RASA1: variants seen among roughly 807,000 people sequenced by gnomAD.
The protein encoded by RASA1 is RAS p21 protein activator 1.
In RASA1, 25 loss-of-function variants were observed where a neutral mutation model predicts 132.2. That is an observed-to-expected ratio of 0.19 (90% CI 0.14 to 0.26). RASA1 has a LOEUF of 0.26. RASA1 is among the 10% of genes least tolerant of loss of function. The pLI is 1.00. For missense variants in RASA1, 964 were observed against 1,299.2 expected, an observed-to-expected ratio of 0.74 and a Z score of 3.97; for synonymous variants, 477 against 449.9, an observed-to-expected ratio of 1.06 and a Z score of -0.76.
rs115835873 is a variant in RASA1, at chr5:87,383,015, C to T, written c.2691-698C>T. On this transcript the variant is annotated intron_variant, in intron 20 of 24. Coordinates refer to ENST00000274376, the MANE Select transcript of RASA1 (RefSeq NM_002890.3). ...CCTGAGGCAAGAGAATTGTTTGATC[C>T]CAGGGGTTCAAGGTTGCAGTGAGCT... is the stretch of plus-strand genomic sequence containing the variant. 7.6e-3 allele frequency among the ~76,000 whole-genome samples: 1,160 copies of T among 152,122 alleles called. 17 individuals are homozygous for T. Among genetic ancestry groups the T allele is most frequent in the African/African-American group, 0.027 (1,139 of 41,510 alleles).
Position 87,268,874 on chromosome 5 carries a change from T to G in RASA1, c.423T>G (p.Pro141=). 3 of 1,614,066 alleles carry G rather than the reference T, an allele frequency of 1.9e-6. No individual in the cohort carries two copies. Among genetic ancestry groups the G allele is most frequent in the Non-Finnish European group, 2.5e-6 (3 of 1,179,974 alleles). The change falls in exon 1 of 25, where the codon CCT becomes CCG. Residue 141 remains proline, a synonymous_variant. Coordinates refer to ENST00000274376, the MANE Select transcript of RASA1 (RefSeq NM_002890.3). Reference sequence around the variant, plus strand: ...GTTTTCCCCCTCTGCCCCCTCCCCCTTACCTGCCCCCTTTGGGGGCGGGCC... The same window carrying G: ...GTTTTCCCCCTCTGCCCCCTCCCCCGTACCTGCCCCCTTTGGGGGCGGGCC... ...GGGFPPLPPP[P]YLPPLGAGLG...
At chr5:87,355,749 T>C (rs1580340350) in intron 9 of RASA1, among the ~76,000 whole-genome samples, 1 of 152,372 alleles carries the variant, frequency 6.6e-6, no homozygotes, top group East Asian at 1.9e-4. Context: ...GATTTATCAT[T>C]CTAGAGGCCA....
At chr5:87,379,656 T>C in intron 18 of RASA1, 79 bp from the exon 19 acceptor site, 2 of 1,555,040 alleles carry the variant, frequency 1.3e-6, no homozygotes, top group South Asian at 1.2e-5. Flanking sequence ...CCTCGAAAAC[T>C]ATAACTACTT....
chr5:87,342,743 CT>C (rs1758571346), intron 6 of RASA1, among the ~76,000 whole-genome samples: 1 of 152,082 alleles, frequency 6.6e-6, no homozygotes, highest in African/African-American at 2.4e-5. Flanking sequence ...AAGGTAATCA[CT>C]TTGTCTAGTT....
intron 1 of RASA1, among the ~76,000 whole-genome samples, chr5:87,271,360 C>T (rs1166198096): frequency 6.8e-6 from 1 of 147,444 alleles, no homozygotes; most frequent in African/African-American, 2.5e-5. Flanking sequence ...TGCAACTTTT[C>T]ATACTGAAAG....
chr5:87,293,972 A>C (rs894336884), intron 1 of RASA1, among the ~76,000 whole-genome samples: 1 of 151,790 alleles, frequency 6.6e-6, no homozygotes, highest in Admixed American at 6.6e-5. Flanking sequence ...TTTTTTTGTA[A>C]GTCTGGCTAG....
chr5:87,282,763 A>C (rs1200964931), intron 1 of RASA1, among the ~76,000 whole-genome samples: 1 of 152,128 alleles, frequency 6.6e-6, no homozygotes, highest in Non-Finnish European at 1.5e-5. Context: ...CAGATGGGGT[A>C]AATTCTATTG....
intron 1 of RASA1, among the ~76,000 whole-genome samples, chr5:87,324,235 C>T (rs1394020634): frequency 6.6e-6 from 1 of 152,170 alleles, no homozygotes; most frequent in Non-Finnish European, 1.5e-5. Context: ...TGAAAATGTG[C>T]TGTAGGTACT....
intron 11 of RASA1, among the ~76,000 whole-genome samples, chr5:87,368,823 T>TA (rs1452210550): frequency 1.3e-5 from 2 of 152,210 alleles, no homozygotes. Flanking sequence ...TTAATTATAG[T>TA]ATGATCTTGG....
At chr5:87,310,018 G>A (rs1192835637) in intron 1 of RASA1, among the ~76,000 whole-genome samples, 1 of 152,064 alleles carries the variant, frequency 6.6e-6, no homozygotes, top group African/African-American at 2.4e-5. Context: ...TGGAGGCAGG[G>A]CTTTACCAGG....
chr5:87,316,497 C>T (rs535934135), intron 1 of RASA1, among the ~76,000 whole-genome samples: 27 of 151,334 alleles, frequency 1.8e-4, no homozygotes, highest in Non-Finnish European at 3.5e-4. Flanking sequence ...AATTTTCTAC[C>T]TCTCTCCCTC....
At chr5:87,356,435 G>T (rs1759656754) in intron 9 of RASA1, among the ~76,000 whole-genome samples, 1 of 151,662 alleles carries the variant, frequency 6.6e-6, no homozygotes, top group African/African-American at 2.4e-5. Flanking sequence ...TGTGGCTGAG[G>T]CTGGAGTACA....
chr5:87,324,540 C>G (rs1393893681), intron 1 of RASA1, among the ~76,000 whole-genome samples: 1 of 152,096 alleles, frequency 6.6e-6, no homozygotes, highest in East Asian at 1.9e-4. Flanking sequence ...TCTCTCGAAA[C>G]TAAAACCTCT....
chr5:87,362,413 C>T lies in RASA1; in HGVS notation c.1333-138C>T, dbSNP rs1378864797. 9 of 801,498 alleles carry T rather than the reference C, an allele frequency of 1.1e-5. No individual in the cohort carries two copies. In the East Asian group the frequency reaches 2.5e-4, roughly 22 times the overall value. 49.6% of individuals were successfully genotyped at this position (801,498 alleles called of 1,614,324 possible). ...CATTTCTGAGAATTTCTTTGGAAAG[C>T]AAAAGATCATTTATGTGTTATGTGT... is the stretch of plus-strand genomic sequence containing the variant. On this transcript the variant is annotated intron_variant, in intron 9 of 24. Transcript: ENST00000274376.
At chr5:87,353,759 CAG>C (rs2112433159) in intron 9 of RASA1, among the ~76,000 whole-genome samples, 2 of 152,130 alleles carry the variant, frequency 1.3e-5, no homozygotes, top group South Asian at 4.1e-4. Flanking sequence ...GTCTTACAGA[CAG>C]GGTCCTAGAC....
intron 22 of RASA1, among the ~76,000 whole-genome samples, chr5:87,385,717 G>A (rs1200251471): frequency 1.3e-5 from 2 of 151,942 alleles, no homozygotes; most frequent in African/African-American, 2.4e-5. Context: ...CACTGTAAAT[G>A]TTAAAACTCA....
intron 8 of RASA1, 142 bp downstream of exon 8, chr5:87,349,506 A>AT: frequency 2.1e-6 from 2 of 960,694 alleles, no homozygotes; most frequent in East Asian, 5.3e-5. Context: ...CATAGTAGTC[A>AT]TGCCCAAGAA....
At chr5:87,366,107 G>C (rs928953008) in intron 11 of RASA1, among the ~76,000 whole-genome samples, 1 of 152,086 alleles carries the variant, frequency 6.6e-6, no homozygotes, top group African/African-American at 2.4e-5. Context: ...TCATTTTGCA[G>C]ATTTACTGAA....
chr5:87,375,184 A>G (rs558669030), intron 15 of RASA1, among the ~76,000 whole-genome samples: 1 of 152,306 alleles, frequency 6.6e-6, no homozygotes, highest in South Asian at 2.1e-4. Flanking sequence ...ATGAATAGGA[A>G]GAATAAGGAA....
Sources: gnomAD v4.1 joint callset for allele counts (sites outside exome capture counted in the v4.1 genomes callset) on GRCh38, gnomAD v4.1.1 for gene constraint, MANE v1.5 for transcripts, NCBI Gene and HGNC (gene_info 2026-07-23, HGNC 2026-07-21) for gene names.